Variants in ZFR2 observed in about 807,000 individuals in gnomAD.
The protein encoded by ZFR2 is zinc finger RNA binding protein 2.
In ZFR2, 104 loss-of-function variants were observed where a neutral mutation model predicts 105.7. The observed-to-expected ratio is 0.98, with a 90% CI of 0.84 to 1.16. The LOEUF (loss-of-function observed/expected upper bound fraction) is 1.16. Among genes scored for constraint, ZFR2 ranks in the 50% most tolerant of loss-of-function variants. The probability of loss-of-function intolerance (pLI) is 0.00; values close to 1 mark genes in which losing one functional copy is unlikely to be tolerated. For missense variants in ZFR2, 1,425 were observed against 1,355.5 expected (o/e 1.05, Z -0.80); for synonymous variants, 634 against 597.7 (o/e 1.06, Z -0.89).
At position 3,806,034 on chromosome 19, in the gene ZFR2, C is replaced by G. The variant is rs762867097; in HGVS notation, c.2735G>C (p.Arg912Pro). Residue 912 changes from arginine to proline, a missense_variant, in exon 19 of 19, where the codon CGG (arginine) becomes CCG (proline). By Grantham distance (103) the Arg-to-Pro change is moderately radical (BLOSUM62 -2). Transcript: ENST00000262961. The part of the protein sequence containing the change: ...PPRHRLGARF[R>P]KRQRGPGEGE... The stretch of plus-strand genomic sequence containing the variant: ...CTCGCCAGGTCCCCGTTGCCTCTTC[C>G]GGAAGCGGGCCCCCAGCCGGTGTCT... 2.6e-6 allele frequency: 4 copies of G among 1,541,874 alleles called. No individual in the cohort carries two copies. In the East Asian group the frequency reaches 9.9e-5, roughly 38 times the overall value.
intron 1 of ZFR2, among the ~76,000 whole-genome samples, chr19:3,864,219 AAAAT>A (rs1311106248): frequency 3.9e-5 from 6 of 152,114 alleles, no homozygotes; most frequent in African/African-American, 1.4e-4. Flanking sequence ...TATCTCTACA[AAAAT>A]AAATATCGCC....
chr19:3,822,535 C>T (rs1320231053), intron 8 of ZFR2, among the ~76,000 whole-genome samples: 2 of 151,772 alleles, frequency 1.3e-5, no homozygotes, highest in Admixed American at 6.6e-5. Flanking sequence ...GCGAGACCCC[C>T]ATCTCTACAA....
chr19:3,836,488 C>A (rs1044310438), intron 1 of ZFR2, among the ~76,000 whole-genome samples: 1 of 152,166 alleles, frequency 6.6e-6, no homozygotes, highest in African/African-American at 2.4e-5. Context: ...CCAGTTAATT[C>A]TTTAAAAAAT....
Position 3,842,450 on chromosome 19 carries a change from C to T in ZFR2, c.54-7467G>A, listed in dbSNP as rs1030526987. Among the ~76,000 whole-genome samples, 12 of 152,222 alleles carry T rather than the reference C, an allele frequency of 7.9e-5. No homozygotes were observed. In the South Asian group the frequency reaches 8.3e-4, roughly 11 times the overall value. On this transcript the variant is annotated intron_variant, in intron 1 of 18. Coordinates refer to ENST00000262961, the MANE Select transcript of ZFR2 (RefSeq NM_015174.2). ...GCTGTATATAATTTTGATCTAAAAA[C>T]TTGAGTCATTACATTATCTTTTCCA...
At chr19:3,868,120 C>T (rs887877792) in intron 1 of ZFR2, among the ~76,000 whole-genome samples, 5 of 150,226 alleles carry the variant, frequency 3.3e-5, no homozygotes, top group African/African-American at 1.2e-4. Flanking sequence ...ATTCTCTCCC[C>T]CTACCAGCAA....
chr19:3,828,746 G>A lies in ZFR2; in HGVS notation c.853-1093C>T, dbSNP rs114140936. ...AGACAAGACGTGGCAGGAGGGCCAC[G>A]AAACCAACACGCCCTGACAATGCCA... On this transcript the variant is annotated intron_variant, in intron 5 of 18. Coordinates refer to ENST00000262961, the MANE Select transcript of ZFR2 (RefSeq NM_015174.2). Among the ~76,000 whole-genome samples, 1,096 of 152,252 alleles carry A rather than the reference G, an allele frequency of 7.2e-3. 13 individuals are homozygous for A. The highest frequency in any genetic ancestry group is 0.029 in the East Asian group (150 of 5,174).
At chr19:3,866,070 G>C (rs989557072) in intron 1 of ZFR2, among the ~76,000 whole-genome samples, 7 of 152,130 alleles carry the variant, frequency 4.6e-5, no homozygotes, top group African/African-American at 1.7e-4. Context: ...TCGAACTCCT[G>C]ACCTCAAGCG....
rs149319700 is a variant in ZFR2, at chr19:3,813,574, G to T, written c.2242+246C>A. Among the ~76,000 whole-genome samples, 1 of 152,176 alleles carries T rather than the reference G, an allele frequency of 6.6e-6. No individual in the cohort carries two copies. Among genetic ancestry groups the T allele is most frequent in the Non-Finnish European group, 1.5e-5 (1 of 68,028 alleles). ...GGAGGTGACACGGTGTCGCTTGCCC[G>T]AGCAAGGCCCCTGCAGCCAGGCTCT... On this transcript the variant is annotated intron_variant, in intron 14 of 18. Coordinates refer to ENST00000262961, the MANE Select transcript of ZFR2 (RefSeq NM_015174.2). The surrounding 1 kb of genome is among the most constrained non-coding windows in gnomAD (Gnocchi z 4.4).
Position 3,831,833 on chromosome 19 carries a change from CTG to C in ZFR2, c.423_424del (p.His141GlnfsTer66). 1 of 1,605,322 alleles carries C rather than the reference CTG, an allele frequency of 6.2e-7. No individual in the cohort carries two copies. The highest frequency in any genetic ancestry group is 8.5e-7 in the Non-Finnish European group (1 of 1,178,392). ...CGCCTGCTGTGGGGGCTGAGCGTGGCTGTGACTGCCATGGGGGCTGGGCTGCC... is the reference window on the plus strand; with the variant it reads ...CGCCTGCTGTGGGGGCTGAGCGTGGCTGACTGCCATGGGGGCTGGGCTGCC... On this transcript the variant is annotated frameshift_variant, in exon 4 of 19. Transcript: ENST00000262961. LOFTEE classifies it high-confidence loss of function.
intron 8 of ZFR2, among the ~76,000 whole-genome samples, chr19:3,822,711 T>G (rs1547939): frequency 0.16 from 23,887 of 151,978 alleles, 2,278 homozygotes; most frequent in East Asian, 0.33. Context: ...GCAAGACCCT[T>G]TCTCTTAAAA....
intron 17 of ZFR2, among the ~76,000 whole-genome samples, chr19:3,807,564 T>C (rs1304821833): frequency 6.6e-6 from 1 of 152,130 alleles, no homozygotes; most frequent in Admixed American, 6.6e-5. Flanking sequence ...GACGTGTGTG[T>C]CCATGCGTGC....
intron 1 of ZFR2, among the ~76,000 whole-genome samples, chr19:3,864,560 G>A (rs181928793): frequency 6.6e-6 from 1 of 152,334 alleles, no homozygotes; most frequent in Admixed American, 6.5e-5. Flanking sequence ...GGTAACGGCA[G>A]AGGCCTCTGG....
intron 6 of ZFR2, 54 bp downstream of exon 6, chr19:3,827,417 G>A: frequency 6.9e-7 from 1 of 1,459,376 alleles, no homozygotes; most frequent in Non-Finnish European, 9.0e-7. Flanking sequence ...CCCAAGTGCT[G>A]ACCTGGGGGC....
At chr19:3,865,090 C>T (rs1471159699) in intron 1 of ZFR2, among the ~76,000 whole-genome samples, 1 of 152,072 alleles carries the variant, frequency 6.6e-6, no homozygotes, top group African/African-American at 2.4e-5. Flanking sequence ...ATTCAGTTTT[C>T]CACATGGGAT....
intron 14 of ZFR2, 93 bp from the exon 15 acceptor site, chr19:3,811,459 G>C (rs10413220): frequency 0.66 from 667,985 of 1,010,592 alleles, 201,744 homozygotes; most frequent in African/African-American, 0.78. Flanking sequence ...GCCCCTCGAC[G>C]CTTTTTTTTT....
chr19:3,806,499 A>G (rs980452186), intron 18 of ZFR2, among the ~76,000 whole-genome samples: 6 of 152,058 alleles, frequency 3.9e-5, no homozygotes, highest in African/African-American at 1.4e-4. Flanking sequence ...TGACCTTGTG[A>G]TCCGCCCGCC....
At chr19:3,850,123 G>A (rs1375579548) in intron 1 of ZFR2, among the ~76,000 whole-genome samples, 4 of 152,186 alleles carry the variant, frequency 2.6e-5, no homozygotes, top group African/African-American at 9.7e-5. Flanking sequence ...AGACGCGGGG[G>A]CAGAGGCAGC....
intron 1 of ZFR2, among the ~76,000 whole-genome samples, chr19:3,857,589 G>A (rs2038321573): frequency 6.6e-6 from 1 of 150,754 alleles, no homozygotes; most frequent in East Asian, 2.0e-4. Flanking sequence ...AGCTACTCAG[G>A]AGGCACTGAG....
chr19:3,824,592 G>GT (rs1303618436), intron 7 of ZFR2, among the ~76,000 whole-genome samples: 4 of 152,260 alleles, frequency 2.6e-5, no homozygotes, highest in African/African-American at 4.8e-5. Context: ...AACCCTGTAG[G>GT]TGCAGGGTGA....
Sources: allele counts gnomAD v4.1 joint callset (sites outside exome capture counted in the v4.1 genomes callset), GRCh38; gene constraint gnomAD v4.1.1; non-coding constraint Gnocchi (gnomAD v3.1); transcripts MANE v1.5; gene names NCBI Gene and HGNC (gene_info 2026-07-23, HGNC 2026-07-21).